The following MITF variants were observed in gnomAD, a reference collection of about 807,000 sequenced individuals.
The protein encoded by MITF is melanocyte inducing transcription factor.
A neutral mutation model predicts 60.5 loss-of-function variants in MITF; 17 were observed. That is an observed-to-expected ratio of 0.28 (90% CI 0.19 to 0.42). The LOEUF is 0.42. Ranked by LOEUF, MITF falls within the 10% of genes least tolerant of loss-of-function variation. MITF has a pLI of 1.00. For synonymous variants in MITF, 260 were observed against 248.5 expected, an observed-to-expected ratio of 1.05 and a Z score of -0.43; for missense variants, 622 against 683.5, an observed-to-expected ratio of 0.91 and a Z score of 1.00.
chr3:69,926,666 T>TG (rs1186247958), intron 2 of MITF, among the ~76,000 whole-genome samples: 3 of 151,996 alleles, frequency 2.0e-5, no homozygotes, highest in African/African-American at 2.4e-5. Flanking sequence ...GCTCCCATGG[T>TG]GGGGGGGATC....
chr3:69,765,822 A>G (rs1455945375), intron 1 of MITF, among the ~76,000 whole-genome samples: 1 of 152,232 alleles, frequency 6.6e-6, no homozygotes, highest in African/African-American at 2.4e-5. Flanking sequence ...TAAGATCCAT[A>G]TACACTTAGC....
At chr3:69,936,617 A>G in intron 2 of MITF, 2 of 1,570,984 alleles carry the variant, frequency 1.3e-6, no homozygotes, top group Non-Finnish European at 1.7e-6. Flanking sequence ...TACCTTGTTT[A>G]TAGTACCTTC....
intron 2 of MITF, among the ~76,000 whole-genome samples, chr3:69,913,678 A>G (rs2065271213): frequency 2.6e-5 from 4 of 152,204 alleles, no homozygotes; most frequent in Admixed American, 2.6e-4. Flanking sequence ...CTCATTGGAC[A>G]GGAAGGGAGA....
At chr3:69,881,885 C>A (rs974245937) in intron 2 of MITF, among the ~76,000 whole-genome samples, 2 of 151,920 alleles carry the variant, frequency 1.3e-5, no homozygotes, top group African/African-American at 4.8e-5. Context: ...GTTTAACTTG[C>A]TAAAACAGAA....
Position 69,812,814 on chromosome 3 carries a change from A to G in MITF, c.105-66320A>G, listed in dbSNP as rs139445753. 2.0e-3 allele frequency among the ~76,000 whole-genome samples: 307 copies of G among 152,296 alleles called. 1 individual carries two copies. Among genetic ancestry groups the G allele is most frequent in the African/African-American group, 6.7e-3 (278 of 41,572 alleles). On this transcript the variant is annotated intron_variant, in intron 1 of 9. Transcript: ENST00000352241. ...GTTGGCCTTCTTGTCCTCACTTGGC[A>G]TATCCTAAAATCATTTTATTGTCTC...
intron 2 of MITF, among the ~76,000 whole-genome samples, chr3:69,902,511 G>A (rs925834884): frequency 6.6e-6 from 1 of 152,126 alleles, no homozygotes; most frequent in African/African-American, 2.4e-5. Context: ...GAGTGACCTA[G>A]CTGTCCAGTG....
chr3:69,791,229 C>T (rs190768886), intron 1 of MITF, among the ~76,000 whole-genome samples: 4 of 152,286 alleles, frequency 2.6e-5, no homozygotes, highest in Admixed American at 6.5e-5. Context: ...CTGTGATTGG[C>T]GCCAGCACTT....
Position 69,965,439 on chromosome 3 carries a change from C to T in MITF, c.*191C>T, listed in dbSNP as rs1014393491. On this transcript the variant is annotated 3_prime_UTR_variant, in exon 10 of 10. Transcript: ENST00000352241. ...CAGACTTGTATATTCTATTTTACAA[C>T]TACAAATGCCTCCAAAGTATTGTAC... 46 of 578,756 alleles carry T rather than the reference C, an allele frequency of 7.9e-5. No individual in the cohort carries two copies. The South Asian group carries it at 1.0e-3, about 13-fold the overall frequency. 35.9% of individuals were successfully genotyped at this position (578,756 alleles called of 1,614,324 possible).
rs139120522 is a variant in MITF, at chr3:69,911,133, G to A, written c.355-26689G>A. ...TGAATAAATCTCATGAGATTTGATG[G>A]GTTTATCAGGGGTTTCTGCTTTTGC... On this transcript the variant is annotated intron_variant, in intron 2 of 9. Coordinates refer to ENST00000352241, the MANE Select transcript of MITF (RefSeq NM_001354604.2). Among the ~76,000 whole-genome samples the A allele has an allele frequency of 9.8e-3, 1,488 of 152,126 alleles. 173 individuals carry two copies. In the East Asian group the frequency reaches 0.25, roughly 26 times the overall value.
intron 2 of MITF, among the ~76,000 whole-genome samples, chr3:69,910,376 G>A (rs2065197366): frequency 6.6e-6 from 1 of 152,238 alleles, no homozygotes; most frequent in South Asian, 2.1e-4. Context: ...GAAGAGAAAT[G>A]TGGGGTTGGA....
chr3:69,862,214 A>G (rs1250573699), intron 1 of MITF, among the ~76,000 whole-genome samples: 1 of 152,130 alleles, frequency 6.6e-6, no homozygotes, highest in Middle Eastern at 3.2e-3. Context: ...TGAACTTTAT[A>G]CTTCTTAAAT....
At chr3:69,887,255 A>G (rs1044215616) in intron 2 of MITF, among the ~76,000 whole-genome samples, 1 of 152,158 alleles carries the variant, frequency 6.6e-6, no homozygotes, top group Admixed American at 6.5e-5. Flanking sequence ...TTGAAAGACC[A>G]CTTAATTTGA....
At chr3:69,810,510 A>C (rs1219229012) in intron 1 of MITF, among the ~76,000 whole-genome samples, 1 of 152,184 alleles carries the variant, frequency 6.6e-6, no homozygotes, top group Non-Finnish European at 1.5e-5. Flanking sequence ...AGTAGGATTT[A>C]AAATAACTTT....
chr3:69,921,310 A>T (rs929673593), intron 2 of MITF, among the ~76,000 whole-genome samples: 1 of 152,230 alleles, frequency 6.6e-6, no homozygotes, highest in Non-Finnish European at 1.5e-5. Context: ...TTACTATTTT[A>T]TCAGACATAA....
At chr3:69,937,756 A>G (rs2065876007) in intron 2 of MITF, 66 bp from the exon 3 acceptor site, 3 of 1,368,912 alleles carry the variant, frequency 2.2e-6, no homozygotes, top group Non-Finnish European at 3.1e-6. Flanking sequence ...TTGTGCCTGA[A>G]GGAAGAGCCG....
intron 1 of MITF, among the ~76,000 whole-genome samples, chr3:69,847,902 C>T (rs536949519): frequency 1.3e-5 from 2 of 152,316 alleles, no homozygotes; most frequent in African/African-American, 4.8e-5. Flanking sequence ...CTACCATGTT[C>T]CCAATCCCAC....
At chr3:69,817,807 T>C (rs1354886497) in intron 1 of MITF, among the ~76,000 whole-genome samples, 2 of 152,162 alleles carry the variant, frequency 1.3e-5, no homozygotes, top group Non-Finnish European at 2.9e-5. Flanking sequence ...AAGTTGGTAA[T>C]GGAATTAAAA....
At chr3:69,806,852 A>G (rs555036268) in intron 1 of MITF, among the ~76,000 whole-genome samples, 6 of 152,310 alleles carry the variant, frequency 3.9e-5, no homozygotes, top group African/African-American at 1.4e-4. Flanking sequence ...ATGGACTTGT[A>G]ATGAAAACCA....
At chr3:69,897,831 T>G (rs948305810) in intron 2 of MITF, among the ~76,000 whole-genome samples, 1 of 152,334 alleles carries the variant, frequency 6.6e-6, no homozygotes, top group Non-Finnish European at 1.5e-5. Flanking sequence ...AACCTACAAA[T>G]GAATGAATGA....
Sources: allele counts gnomAD v4.1 joint callset (sites outside exome capture counted in the v4.1 genomes callset), GRCh38; gene constraint gnomAD v4.1.1; transcripts MANE v1.5; gene names NCBI Gene and HGNC (gene_info 2026-07-23, HGNC 2026-07-21).